The following PRKN variants were observed in gnomAD, a reference collection of about 807,000 sequenced individuals.
The protein encoded by PRKN is E3 ubiquitin-protein ligase parkin.
PRKN carries 56 observed loss-of-function variants against 59.5 expected under a neutral mutation model. That is an observed-to-expected ratio of 0.94 (90% CI 0.76 to 1.18). PRKN has a LOEUF of 1.18. Ranked by LOEUF, PRKN falls within the 50% of genes most tolerant of loss-of-function variation. PRKN has a pLI of 0.00. For synonymous variants in PRKN, 250 were observed against 222.1 expected (o/e 1.13, Z -1.12); for missense variants, 657 against 596.4 (o/e 1.10, Z -1.06).
intron 3 of PRKN, among the ~76,000 whole-genome samples, chr6:162,208,500 T>A (rs1232112111): frequency 6.6e-6 from 1 of 152,224 alleles, no homozygotes; most frequent in Non-Finnish European, 1.5e-5. Flanking sequence ...TAATACCTTT[T>A]TCTGATTTTT....
chr6:162,003,282 A>G (rs1164291993), intron 5 of PRKN, among the ~76,000 whole-genome samples: 3 of 151,604 alleles, frequency 2.0e-5, no homozygotes, highest in African/African-American at 7.3e-5. Context: ...ATATATGAGG[A>G]CCTCCTGGAT....
intron 7 of PRKN, among the ~76,000 whole-genome samples, chr6:161,589,698 T>C (rs1781646348): frequency 6.6e-6 from 1 of 152,098 alleles, no homozygotes; most frequent in Non-Finnish European, 1.5e-5. Flanking sequence ...TGATAAGCCA[T>C]TATCAGTATC....
chr6:161,511,913 T>C (rs1778406714), intron 9 of PRKN, among the ~76,000 whole-genome samples: 1 of 152,152 alleles, frequency 6.6e-6, no homozygotes, highest in Admixed American at 6.5e-5. Flanking sequence ...CGCAGTTCCA[T>C]TCATTACGAT....
chr6:162,101,512 A>G (rs1779968982), intron 4 of PRKN, among the ~76,000 whole-genome samples: 1 of 151,784 alleles, frequency 6.6e-6, no homozygotes, highest in African/African-American at 2.4e-5. Context: ...ACTAAAAAAA[A>G]AATACAAAAA....
At chr6:162,643,096 G>C (rs1778024796) in intron 1 of PRKN, among the ~76,000 whole-genome samples, 1 of 151,948 alleles carries the variant, frequency 6.6e-6, no homozygotes, top group Non-Finnish European at 1.5e-5. Flanking sequence ...AGACACCACG[G>C]GTAATAAGAA....
chr6:162,497,600 T>C (rs1428620564), intron 1 of PRKN, among the ~76,000 whole-genome samples: 1 of 152,212 alleles, frequency 6.6e-6, no homozygotes, highest in Non-Finnish European at 1.5e-5. Context: ...GCTCATTTTG[T>C]GCAGCAGAGG....
At chr6:161,977,037 C>G (rs1450903524) in intron 5 of PRKN, among the ~76,000 whole-genome samples, 1 of 152,170 alleles carries the variant, frequency 6.6e-6, no homozygotes, top group Non-Finnish European at 1.5e-5. Flanking sequence ...ATTGCCAACC[C>G]TATATTAAAT....
intron 2 of PRKN, chr6:162,266,325 T>TGTGTGTGTGC (rs1307321945): frequency 1.3e-5 from 2 of 152,846 alleles, no homozygotes; most frequent in African/African-American, 4.8e-5. Context: ...TGTGTGTGTG[T>TGTGTGTGTGC]GTGTGTGTGT....
Position 162,105,227 on chromosome 6 carries a change from G to A in PRKN, c.535-51053C>T, listed in dbSNP as rs79117811. On this transcript the variant is annotated intron_variant, in intron 4 of 11. Transcript: ENST00000366898. The stretch of plus-strand genomic sequence containing the variant: ...AAACCTACATATGAAACAAATGCCC[G>A]AATTGAATTCACCTTCTCAATAGTA... 7.0e-3 allele frequency among the ~76,000 whole-genome samples: 1,064 copies of A among 152,220 alleles called. 15 individuals carry two copies. The highest frequency in any genetic ancestry group is 0.024 in the African/African-American group (1,009 of 41,526).
At chr6:162,039,001 A>G (rs1030327654) in intron 5 of PRKN, among the ~76,000 whole-genome samples, 7 of 152,070 alleles carry the variant, frequency 4.6e-5, no homozygotes, top group African/African-American at 1.7e-4. Flanking sequence ...AAAAAAATAC[A>G]AAAAATGAGC....
intron 6 of PRKN, among the ~76,000 whole-genome samples, chr6:161,957,409 G>GTTGT (rs1562418017): frequency 6.3e-5 from 8 of 127,450 alleles, no homozygotes; most frequent in East Asian, 2.2e-4. Context: ...TGTTCTTGTT[G>GTTGT]TTTTTTTTTT....
chr6:162,117,706 T>C (rs777160043), intron 4 of PRKN, among the ~76,000 whole-genome samples: 1 of 152,236 alleles, frequency 6.6e-6, no homozygotes, highest in South Asian at 2.1e-4. Flanking sequence ...CCAGGCTCCA[T>C]CCTTTCTGGA....
chr6:162,110,655 C>G (rs574358039), intron 4 of PRKN, among the ~76,000 whole-genome samples: 6 of 152,292 alleles, frequency 3.9e-5, no homozygotes, highest in African/African-American at 1.4e-4. Context: ...CAGTATCCCA[C>G]ATCTTGTCTA....
At chr6:162,394,995 A>G (rs1787402039) in intron 2 of PRKN, among the ~76,000 whole-genome samples, 2 of 152,226 alleles carry the variant, frequency 1.3e-5, no homozygotes, top group Non-Finnish European at 2.9e-5. Context: ...ATCTATTTGC[A>G]GTAAAAAGCT....
rs1778007853 is a variant in PRKN, at chr6:161,502,755, T to A, written c.1083+46099A>T. The stretch of plus-strand genomic sequence containing the variant: ...TGGTGGAGCAGTGTCGGTGAGGGTA[T>A]GAGGTGGCTCTGATCCATGCTCTAC... On this transcript the variant is annotated intron_variant, in intron 9 of 11. Coordinates refer to ENST00000366898, the MANE Select transcript of PRKN (RefSeq NM_004562.3). The surrounding 1 kb of genome is among the most constrained non-coding windows in gnomAD (Gnocchi z 4.0). Among the ~76,000 whole-genome samples, 1 of 152,112 alleles carries A rather than the reference T, an allele frequency of 6.6e-6. No individual in the cohort carries two copies. The highest frequency in any genetic ancestry group is 6.5e-5 in the Admixed American group (1 of 15,270).
At chr6:161,406,211 T>C (rs1787269550) in intron 9 of PRKN, among the ~76,000 whole-genome samples, 1 of 141,760 alleles carries the variant, frequency 7.1e-6, no homozygotes, top group African/African-American at 2.7e-5. Context: ...CATATACACA[T>C]ATATACATAT....
At position 161,396,288 on chromosome 6, in the gene PRKN, C is replaced by G. The variant is rs1786756771; in HGVS notation, c.1084-9411G>C. Among the ~76,000 whole-genome samples the G allele has an allele frequency of 6.6e-6, 1 of 152,144 alleles. No homozygotes were observed. The highest frequency in any genetic ancestry group is 1.5e-5 in the Non-Finnish European group (1 of 68,034). On this transcript the variant is annotated intron_variant, in intron 9 of 11. Coordinates refer to ENST00000366898, the MANE Select transcript of PRKN (RefSeq NM_004562.3). The surrounding 1 kb of genome is among the most constrained non-coding windows in gnomAD (Gnocchi z 5.4). ...TAGGACCTGGTTGCAAGCTGGAACT[C>G]TTGTTCAATGATATGTTCACACCAT...
chr6:161,714,786 C>T (rs1353855472), intron 7 of PRKN, among the ~76,000 whole-genome samples: 1 of 152,136 alleles, frequency 6.6e-6, no homozygotes, highest in Non-Finnish European at 1.5e-5. Flanking sequence ...GATGGTAAGA[C>T]ACTTGTTCTT....
At chr6:161,486,147 C>T (rs1250192415) in intron 9 of PRKN, among the ~76,000 whole-genome samples, 1 of 151,972 alleles carries the variant, frequency 6.6e-6, no homozygotes, top group Non-Finnish European at 1.5e-5. Context: ...TTGTGAAAGA[C>T]ACATGTAATC....
Sources: allele counts gnomAD v4.1 joint callset (sites outside exome capture counted in the v4.1 genomes callset), GRCh38; gene constraint gnomAD v4.1.1; non-coding constraint Gnocchi (gnomAD v3.1); transcripts MANE v1.5; gene names NCBI Gene and HGNC (gene_info 2026-07-23, HGNC 2026-07-21).